Variants in GRID2 observed in about 807,000 individuals in gnomAD.
GRID2 encodes glutamate receptor ionotropic, delta-2.
GRID2 carries 33 observed loss-of-function variants against 114.8 expected under a neutral mutation model. The ratio of observed to expected loss-of-function variants is 0.29; its 90% CI spans 0.22 to 0.38. The LOEUF is 0.38. GRID2 is among the 10% of genes least tolerant of loss of function. GRID2 has a pLI of 1.00. For synonymous variants in GRID2, 505 were observed against 449.9 expected, an observed-to-expected ratio of 1.12 and a Z score of -1.55; for missense variants, 1,184 against 1,257.7, an observed-to-expected ratio of 0.94 and a Z score of 0.89.
At chr4:92,681,007 T>G (rs1257114363) in intron 2 of GRID2, among the ~76,000 whole-genome samples, 2 of 152,112 alleles carry the variant, frequency 1.3e-5, no homozygotes, top group African/African-American at 4.8e-5. Flanking sequence ...AAGAAATACC[T>G]ATATTTAAAG....
intron 1 of GRID2, among the ~76,000 whole-genome samples, chr4:92,325,940 CT>C (rs1726571623): frequency 6.6e-6 from 1 of 151,626 alleles, no homozygotes; most frequent in Non-Finnish European, 1.5e-5. Context: ...CGGGTCTACT[CT>C]TTTTCTAAAA....
At chr4:92,445,541 T>C (rs1733411835) in intron 1 of GRID2, among the ~76,000 whole-genome samples, 1 of 152,232 alleles carries the variant, frequency 6.6e-6, no homozygotes, top group African/African-American at 2.4e-5. Flanking sequence ...AGTTTTGGTA[T>C]TCAAAAGGAG....
chr4:92,842,422 G>T (rs538991622), intron 2 of GRID2, among the ~76,000 whole-genome samples: 2 of 152,170 alleles, frequency 1.3e-5, no homozygotes, highest in East Asian at 3.9e-4. Context: ...ACTGGATGTT[G>T]AACTCATCTA....
chr4:92,362,536 T>G (rs1160569608), intron 1 of GRID2, among the ~76,000 whole-genome samples: 1 of 151,988 alleles, frequency 6.6e-6, no homozygotes, highest in Non-Finnish European at 1.5e-5. Flanking sequence ...TATATAAATT[T>G]CAGTTTTCTT....
At chr4:92,622,037 A>G (rs1730301065) in intron 2 of GRID2, among the ~76,000 whole-genome samples, 3 of 151,792 alleles carry the variant, frequency 2.0e-5, no homozygotes, top group Non-Finnish European at 4.4e-5. Flanking sequence ...GAAAATGGAA[A>G]TTCATGTGGA....
chr4:92,992,235 G>C (rs1754950571), intron 2 of GRID2, among the ~76,000 whole-genome samples: 1 of 152,074 alleles, frequency 6.6e-6, no homozygotes, highest in African/African-American at 2.4e-5. Context: ...TTTTATGAGT[G>C]GGTCAAAGGT....
At chr4:92,308,829 T>G (rs947932391) in intron 1 of GRID2, among the ~76,000 whole-genome samples, 67 of 152,146 alleles carry the variant, frequency 4.4e-4, no homozygotes, top group African/African-American at 1.6e-3. Flanking sequence ...GTAAGATGTC[T>G]CAATGATATT....
Position 93,644,183 on chromosome 4 carries a change from C to T in GRID2, c.2360+17748C>T, listed in dbSNP as rs940020632. Among the ~76,000 whole-genome samples, 14 of 89,694 alleles carry T rather than the reference C, an allele frequency of 1.6e-4. 4 individuals carry two copies. The highest frequency in any genetic ancestry group is 3.0e-4 in the Non-Finnish European group (14 of 46,530). 58.8% of individuals were successfully genotyped at this position (89,694 alleles called of 152,430 possible). ...GCCCTGCTTCGGCTCGCGCACGGTG[C>T]GCACACACACTGGCCTGCGCCCACT... On this transcript the variant is annotated intron_variant, in intron 14 of 15. Coordinates refer to ENST00000282020, the MANE Select transcript of GRID2 (RefSeq NM_001510.4).
At chr4:93,645,585 C>T (rs1722034799) in intron 14 of GRID2, among the ~76,000 whole-genome samples, 1 of 152,126 alleles carries the variant, frequency 6.6e-6, no homozygotes, top group South Asian at 2.1e-4. Flanking sequence ...TCCATGGTCA[C>T]AAACCTAATT....
chr4:92,548,440 C>T (rs1726394990), intron 1 of GRID2, among the ~76,000 whole-genome samples: 2 of 64,674 alleles, frequency 3.1e-5, no homozygotes, highest in Admixed American at 2.3e-4. Flanking sequence ...CTTGTTCTGT[C>T]ACCCAGACTG....
chr4:92,351,343 T>C (rs918360094), intron 1 of GRID2, among the ~76,000 whole-genome samples: 1 of 151,832 alleles, frequency 6.6e-6, no homozygotes, highest in African/African-American at 2.4e-5. Flanking sequence ...AACTTGATAT[T>C]ACAGTCCTTT....
chr4:93,589,657 A>G (rs1328767541), intron 13 of GRID2, among the ~76,000 whole-genome samples: 1 of 151,688 alleles, frequency 6.6e-6, no homozygotes, highest in Non-Finnish European at 1.5e-5. Flanking sequence ...GAACTAGTTG[A>G]CAGTCCCACC....
At chr4:92,421,185 G>A (rs1430337624) in intron 1 of GRID2, among the ~76,000 whole-genome samples, 2 of 151,860 alleles carry the variant, frequency 1.3e-5, no homozygotes, top group Middle Eastern at 3.4e-3. Context: ...ATTAATCATG[G>A]TTATTTAAAT....
At chr4:93,742,563 T>C (rs892106867) in intron 14 of GRID2, among the ~76,000 whole-genome samples, 4 of 152,254 alleles carry the variant, frequency 2.6e-5, no homozygotes, top group African/African-American at 7.2e-5. Flanking sequence ...ATGTGCTCAC[T>C]GTGTCTCTGC....
intron 4 of GRID2, among the ~76,000 whole-genome samples, chr4:93,157,209 C>G (rs1047691229): frequency 1.3e-5 from 2 of 151,646 alleles, no homozygotes; most frequent in African/African-American, 4.8e-5. Context: ...GCTTCATACT[C>G]AGGGATGCCT....
At chr4:92,576,583 G>A (rs1376669694) in intron 1 of GRID2, among the ~76,000 whole-genome samples, 1 of 152,186 alleles carries the variant, frequency 6.6e-6, no homozygotes, top group Non-Finnish European at 1.5e-5. Flanking sequence ...CAGGGTTCCT[G>A]GGGCTGGAGT....
At chr4:93,539,052 T>C (rs960509677) in intron 13 of GRID2, among the ~76,000 whole-genome samples, 1 of 151,896 alleles carries the variant, frequency 6.6e-6, no homozygotes, top group Non-Finnish European at 1.5e-5. Context: ...ACCTTTGTAA[T>C]ACTTGTGAAT....
At chr4:93,458,765 G>A (rs1723438665) in intron 11 of GRID2, among the ~76,000 whole-genome samples, 1 of 152,094 alleles carries the variant, frequency 6.6e-6, no homozygotes, top group African/African-American at 2.4e-5. Context: ...TGTAAAAAAA[G>A]GGATAACAAG....
intron 2 of GRID2, among the ~76,000 whole-genome samples, chr4:92,609,819 C>T (rs1035117559): frequency 6.6e-6 from 1 of 151,502 alleles, no homozygotes; most frequent in African/African-American, 2.4e-5. Context: ...ATCAAAATTA[C>T]ACATACTATA....
Sources: gnomAD v4.1 joint callset for allele counts (sites outside exome capture counted in the v4.1 genomes callset) on GRCh38, gnomAD v4.1.1 for gene constraint, MANE v1.5 for transcripts, NCBI Gene and HGNC (gene_info 2026-07-23, HGNC 2026-07-21) for gene names.